Variants in MSRA observed in about 807,000 individuals in gnomAD.
MSRA encodes mitochondrial peptide methionine sulfoxide reductase.
In MSRA, 54 loss-of-function variants were observed where a neutral mutation model predicts 31.3. The observed-to-expected ratio is 1.73, with a 90% confidence interval of 1.39 to 2.17. The LOEUF (loss-of-function observed/expected upper bound fraction) is 2.17, where lower values mean the gene tolerates loss of function less well. Ranked by LOEUF, MSRA falls within the 30% of genes most tolerant of loss-of-function variation. The probability of loss-of-function intolerance (pLI) is 0.00; values close to 1 mark genes in which losing one functional copy is unlikely to be tolerated. For synonymous variants in MSRA, 169 were observed against 116.5 expected (o/e 1.45, Z -2.90); for missense variants, 507 against 300.9 (o/e 1.69, Z -5.07).
intron 3 of MSRA, among the ~76,000 whole-genome samples, chr8:10,288,834 A>G (rs777289833): frequency 6.6e-6 from 1 of 152,226 alleles, no homozygotes; most frequent in African/African-American, 2.4e-5. Flanking sequence ...CACCATATAC[A>G]CTTAAAAAGC....
chr8:10,285,979 T>A (rs1320698121), intron 3 of MSRA, among the ~76,000 whole-genome samples: 1 of 152,146 alleles, frequency 6.6e-6, no homozygotes, highest in Non-Finnish European at 1.5e-5. Context: ...CAGTCACAAC[T>A]AATTGGGTAA....
intron 1 of MSRA, among the ~76,000 whole-genome samples, chr8:10,130,348 A>G (rs1563130339): frequency 1.3e-5 from 2 of 152,196 alleles, no homozygotes; most frequent in Non-Finnish European, 2.9e-5. Flanking sequence ...GACTAATGGT[A>G]TTACTCGGTG....
At chr8:10,339,977 A>AT in intron 5 of MSRA, among the ~76,000 whole-genome samples, 2 of 152,238 alleles carry the variant, frequency 1.3e-5, no homozygotes, top group Admixed American at 1.3e-4. Flanking sequence ...ATCTTCATGG[A>AT]TCCCCAAGGC....
At chr8:10,150,143 G>C (rs145109844) in intron 1 of MSRA, among the ~76,000 whole-genome samples, 6 of 151,996 alleles carry the variant, frequency 3.9e-5, no homozygotes, top group East Asian at 3.9e-4. Flanking sequence ...AAGTTCTAAG[G>C]GGGTAATCGG....
chr8:10,071,206 T>C (rs1031751245), intron 1 of MSRA, among the ~76,000 whole-genome samples: 2 of 152,248 alleles, frequency 1.3e-5, no homozygotes, highest in South Asian at 2.1e-4. Flanking sequence ...CTGATAGCTA[T>C]GTAGTGATAT....
Position 10,251,905 on chromosome 8 carries a change from G to C in MSRA, c.331+6682G>C, listed in dbSNP as rs572728342. Among the ~76,000 whole-genome samples, 6 of 151,758 alleles carry C rather than the reference G, an allele frequency of 4.0e-5. No individual in the cohort carries two copies. The East Asian group carries it at 1.2e-3, about 29-fold the overall frequency. On this transcript the variant is annotated intron_variant, in intron 3 of 5. Transcript: ENST00000317173. The stretch of plus-strand genomic sequence containing the variant: ...GTCATGGGGACGTCAAGGCATTTGA[G>C]ACCTAGAAGGGCCTTAACCATCTTC...
chr8:10,154,052 A>G (rs1443668496), intron 1 of MSRA, among the ~76,000 whole-genome samples: 1 of 152,206 alleles, frequency 6.6e-6, no homozygotes, highest in Non-Finnish European at 1.5e-5. Flanking sequence ...CTGTACCATC[A>G]TAGATAGCAG....
chr8:10,346,364 G>A (rs1432285448), intron 5 of MSRA, among the ~76,000 whole-genome samples: 1 of 152,130 alleles, frequency 6.6e-6, no homozygotes, highest in African/African-American at 2.4e-5. Context: ...CTCTAACATG[G>A]CTGCTGGTTC....
At chr8:10,208,994 G>T (rs1009018055) in intron 2 of MSRA, among the ~76,000 whole-genome samples, 1 of 152,192 alleles carries the variant, frequency 6.6e-6, no homozygotes, top group African/African-American at 2.4e-5. Flanking sequence ...CATCAGTGAG[G>T]ATTAGCAGCT....
intron 1 of MSRA, among the ~76,000 whole-genome samples, chr8:10,205,538 G>T (rs1563216705): frequency 6.6e-6 from 1 of 152,280 alleles, no homozygotes; most frequent in South Asian, 2.1e-4. Context: ...ACTTTGGATT[G>T]TGAACATGTG....
intron 1 of MSRA, among the ~76,000 whole-genome samples, chr8:10,071,962 C>T (rs1050994499): frequency 6.6e-6 from 1 of 152,104 alleles, no homozygotes; most frequent in East Asian, 1.9e-4. Context: ...GTATGGGTCC[C>T]CTGTGTCCAG....
At chr8:10,316,531 TC>T (rs1563342382) in intron 4 of MSRA, among the ~76,000 whole-genome samples, 4 of 40,152 alleles carry the variant, frequency 1.0e-4, no homozygotes, top group African/African-American at 6.7e-4. Flanking sequence ...ATGATCCCTC[TC>T]TCTCTCTCTC....
chr8:10,089,024 T>C (rs926493459), intron 1 of MSRA, among the ~76,000 whole-genome samples: 2 of 152,112 alleles, frequency 1.3e-5, no homozygotes, highest in Admixed American at 1.3e-4. Context: ...GATCAAAGGA[T>C]AAATAAAAAC....
intron 5 of MSRA, among the ~76,000 whole-genome samples, chr8:10,360,503 T>C (rs1407089156): frequency 6.6e-6 from 1 of 152,198 alleles, no homozygotes. Flanking sequence ...AAGGATCTCA[T>C]TGTAGCTGCC....
chr8:10,173,448 T>G (rs11785103), intron 1 of MSRA, among the ~76,000 whole-genome samples: 5,918 of 152,360 alleles, frequency 0.039, 160 homozygotes, highest in Middle Eastern at 0.068. Context: ...GTTTCAATAG[T>G]TAGCCTCACC....
intron 3 of MSRA, among the ~76,000 whole-genome samples, chr8:10,265,884 T>G (rs899251991): frequency 1.3e-5 from 2 of 152,246 alleles, no homozygotes; most frequent in East Asian, 3.8e-4. Flanking sequence ...TGTGCCTGGC[T>G]TCTTTGATTC....
At chr8:10,308,027 G>A (rs1801233257) in intron 4 of MSRA, among the ~76,000 whole-genome samples, 2 of 152,196 alleles carry the variant, frequency 1.3e-5, no homozygotes, top group African/African-American at 4.8e-5. Flanking sequence ...ACAAGTTAGT[G>A]TGGGGCTGAA....
chr8:10,283,836 T>TATATATATACACACACACACACAC (rs1261287031), intron 3 of MSRA, among the ~76,000 whole-genome samples: 9 of 53,142 alleles, frequency 1.7e-4, no homozygotes, highest in Admixed American at 2.5e-4. Context: ...TATATATATA[T>TATATATATACACACACACACACAC]ACACACACAC....
At chr8:10,141,266 A>G (rs1156862596) in intron 1 of MSRA, among the ~76,000 whole-genome samples, 2 of 152,142 alleles carry the variant, frequency 1.3e-5, no homozygotes, top group Non-Finnish European at 2.9e-5. Flanking sequence ...TAATCCTCAC[A>G]TCACCGTCGG....
Sources: gnomAD v4.1 joint callset for allele counts (sites outside exome capture counted in the v4.1 genomes callset) on GRCh38, gnomAD v4.1.1 for gene constraint, MANE v1.5 for transcripts, NCBI Gene and HGNC (gene_info 2026-07-23, HGNC 2026-07-21) for gene names.